The following ZNF618 variants were observed in gnomAD, a reference collection of about 807,000 sequenced individuals.
ZNF618 encodes neural precursor cell expressed, developmentally down-regulated 10.
Under a neutral mutation model 103.0 loss-of-function variants are expected in ZNF618, and 34 were observed. That is an observed-to-expected ratio of 0.33 (90% CI 0.25 to 0.44). ZNF618 has a LOEUF of 0.44. Among genes scored for constraint, ZNF618 ranks in the 20% least tolerant of loss-of-function variants. The pLI, the probability that ZNF618 is intolerant of heterozygous loss-of-function variation, is 1.00. For synonymous variants in ZNF618, 551 were observed against 542.2 expected, an observed-to-expected ratio of 1.02 and a Z score of -0.23; for missense variants, 1,059 against 1,295.4, an observed-to-expected ratio of 0.82 and a Z score of 2.80.
intron 1 of ZNF618, among the ~76,000 whole-genome samples, chr9:113,948,791 CGCTGGTAATAACAGGAAGAAAGCAGT>C (rs1429717106): frequency 6.6e-6 from 1 of 152,086 alleles, no homozygotes; most frequent in Non-Finnish European, 1.5e-5. Context: ...CAGAAGGCAG[CGCTGGTAATAACAGGAAGAAAGCAGT>C]GCCCCCCACC....
At chr9:113,889,124 G>C (rs888861342) in intron 1 of ZNF618, among the ~76,000 whole-genome samples, 8 of 152,206 alleles carry the variant, frequency 5.3e-5, no homozygotes, top group African/African-American at 1.9e-4. Flanking sequence ...ATCATTTATT[G>C]TCTCATGGTT....
intron 1 of ZNF618, among the ~76,000 whole-genome samples, chr9:113,892,968 C>T (rs1829740614): frequency 6.6e-6 from 1 of 152,234 alleles, no homozygotes; most frequent in African/African-American, 2.4e-5. Flanking sequence ...AGGTATCACA[C>T]TGTTTATCAC....
chr9:113,948,661 A>T (rs1835273749), intron 1 of ZNF618, among the ~76,000 whole-genome samples: 1 of 152,216 alleles, frequency 6.6e-6, no homozygotes, highest in Non-Finnish European at 1.5e-5. Flanking sequence ...TCGTCCATCC[A>T]CATATTTTTG....
At chr9:113,942,039 G>A (rs917101429) in intron 1 of ZNF618, among the ~76,000 whole-genome samples, 5 of 152,136 alleles carry the variant, frequency 3.3e-5, no homozygotes, top group Non-Finnish European at 7.3e-5. Flanking sequence ...AGGACACAAC[G>A]GACAAAACAT....
intron 3 of ZNF618, among the ~76,000 whole-genome samples, chr9:113,989,258 G>A (rs558508441): frequency 3.9e-5 from 6 of 152,340 alleles, no homozygotes; most frequent in South Asian, 2.1e-4. Flanking sequence ...GAGAAGGCAC[G>A]CCGCGTGTGT....
intron 1 of ZNF618, among the ~76,000 whole-genome samples, chr9:113,937,102 G>T (rs990564088): frequency 9.9e-5 from 15 of 152,226 alleles, no homozygotes; most frequent in Middle Eastern, 6.8e-3. Context: ...TATCCCAAGA[G>T]ATCTTAGAAT....
chr9:113,880,119 T>TA lies in ZNF618; in HGVS notation c.33+3707dup, dbSNP rs967628525. ...CTGCTTCCTCTGACCTCAGAATCCTTACGTCTTCTCCTTGGTGGGTGATAA... is the reference window on the plus strand; with the variant it reads ...CTGCTTCCTCTGACCTCAGAATCCTTAACGTCTTCTCCTTGGTGGGTGATAA... On this transcript the variant is annotated intron_variant, in intron 1 of 14. Transcript: ENST00000374126. Among the ~76,000 whole-genome samples the TA allele has an allele frequency of 3.6e-4, 55 of 152,226 alleles. 1 individual carries two copies. The highest frequency in any genetic ancestry group is 1.3e-3 in the African/African-American group (54 of 41,534).
In ZNF618 at chr9:114,002,667, G is replaced by A; in HGVS notation, c.550+5G>A. 6.2e-7 allele frequency: 1 copy of A among 1,611,280 alleles called. No individual in the cohort carries two copies. Among genetic ancestry groups the A allele is most frequent in the African/African-American group, 1.3e-5 (1 of 75,044 alleles). ...GGGAGGGAGCCTCCCAAAGCAGTGA[G>A]TACTTTTTCCTCCTCGTGGGCTGCT... On this transcript the variant is annotated splice_donor_5th_base_variant and intron_variant, in intron 6 of 14. Transcript: ENST00000374126.
In ZNF618 at chr9:114,049,120, C is replaced by T. The variant is rs369421645; in HGVS notation, c.1818C>T (p.Phe606=). Residue 606 remains phenylalanine (F), a synonymous_variant, in exon 15 of 15, where the codon TTC becomes TTT. Transcript: ENST00000374126. ...GGGTGCAGAACGTGCTGTCGGAGTT[C>T]GTGATGTCGGAGATCAGGACAGTGT... ...HHWVQNVLSE[F]VMSEIRTVYV... is the part of the protein sequence containing the mutation. 2.0e-5 allele frequency: 33 copies of T among 1,613,702 alleles called. No homozygotes were observed. Among genetic ancestry groups the T allele is most frequent in the Admixed American group, 3.3e-5 (2 of 60,016 alleles).
At chr9:114,013,451 G>A (rs904586899) in intron 9 of ZNF618, among the ~76,000 whole-genome samples, 1 of 151,930 alleles carries the variant, frequency 6.6e-6, no homozygotes. Context: ...TATTTTTTGA[G>A]ACAGAGTCTC....
chr9:114,013,569 T>C (rs10982030), intron 9 of ZNF618, among the ~76,000 whole-genome samples: 12,568 of 152,202 alleles, frequency 0.083, 763 homozygotes, highest in African/African-American at 0.17. Context: ...TAGCTGGGAC[T>C]ACAGGCGCCC....
intron 4 of ZNF618, among the ~76,000 whole-genome samples, chr9:113,998,914 G>C (rs1012813922): frequency 3.3e-5 from 5 of 152,256 alleles, no homozygotes; most frequent in Admixed American, 1.3e-4. Flanking sequence ...TGCCTGCTGT[G>C]GACCAGGCCC....
intron 1 of ZNF618, among the ~76,000 whole-genome samples, chr9:113,894,592 G>A (rs886574795): frequency 1.2e-4 from 19 of 152,060 alleles, no homozygotes; most frequent in Non-Finnish European, 8.8e-5. Flanking sequence ...TTTTCCACCC[G>A]GTAACATGGT....
At chr9:113,914,392 C>T (rs117460355) in intron 1 of ZNF618, among the ~76,000 whole-genome samples, 298 of 152,298 alleles carry the variant, frequency 2.0e-3, no homozygotes, top group Admixed American at 3.7e-3. Flanking sequence ...GCTCTCCTCA[C>T]GTGCGCTTCT....
rs1024739416 is a variant in ZNF618 at position 114,049,444 on chromosome 9, C to G, written c.2142C>G (p.Phe714Leu). 1.6e-5 allele frequency: 25 copies of G among 1,607,316 alleles called. No homozygotes were observed. The highest frequency in any genetic ancestry group is 2.1e-5 in the Non-Finnish European group (25 of 1,176,940). ...VHERYEQICEFYSRAKKMNLI... is the reference protein window; with the variant it reads ...VHERYEQICELYSRAKKMNLI... ...AGCGCTATGAGCAGATCTGCGAGTT[C>G]TACAGCCGGGCCAAGAAGATGAACC... Residue 714 changes from phenylalanine to leucine, a missense_variant, in exon 15 of 15, where the codon TTC (phenylalanine) becomes TTG (leucine). Phe to Leu is a conservative substitution (Grantham distance 22). Coordinates refer to ENST00000374126, the MANE Select transcript of ZNF618 (RefSeq NM_001318042.2).
intron 1 of ZNF618, among the ~76,000 whole-genome samples, chr9:113,881,142 AGTCCTT>A (rs1449267741): frequency 6.6e-6 from 1 of 152,184 alleles, no homozygotes; most frequent in African/African-American, 2.4e-5. Flanking sequence ...AAGTGTGTGG[AGTCCTT>A]GTCTTTTGTT....
chr9:113,950,433 A>G (rs1445938448), intron 1 of ZNF618, among the ~76,000 whole-genome samples: 1 of 151,834 alleles, frequency 6.6e-6, no homozygotes, highest in African/African-American at 2.4e-5. Flanking sequence ...TCTTGCTAGC[A>G]CTCCATCATC....
At chr9:113,987,783 C>T (rs1372589970) in intron 2 of ZNF618, among the ~76,000 whole-genome samples, 1 of 152,158 alleles carries the variant, frequency 6.6e-6, no homozygotes, top group Admixed American at 6.5e-5. Context: ...CGCTTGAGCC[C>T]AGGAGTTTGT....
chr9:113,938,165 G>GTTTTTTTTTTTTTTTTTTTT (rs770850585), intron 1 of ZNF618, among the ~76,000 whole-genome samples: 1 of 95,526 alleles, frequency 1.0e-5, no homozygotes, highest in African/African-American at 4.0e-5. Context: ...TCAGGCTCCT[G>GTTTTTTTTTTTTTTTTTTTT]TTTTTTTTTT....
Sources: allele counts gnomAD v4.1 joint callset (sites outside exome capture counted in the v4.1 genomes callset), GRCh38; gene constraint gnomAD v4.1.1; transcripts MANE v1.5; gene names NCBI Gene and HGNC (gene_info 2026-07-23, HGNC 2026-07-21).